Variants in CD101 observed in about 807,000 individuals in gnomAD.
The protein encoded by CD101 is CD101 molecule.
Under a neutral mutation model 98.2 loss-of-function variants are expected in CD101, and 76 were observed. The ratio of observed to expected loss-of-function variants is 0.77; its 90% CI spans 0.64 to 0.94. CD101 has a LOEUF of 0.94. Ranked by LOEUF, CD101 falls within the 40% of genes least tolerant of loss-of-function variation. CD101 has a pLI of 0.00. For synonymous variants in CD101, 471 were observed against 472.7 expected (o/e 1.00, Z 0.05); for missense variants, 1,145 against 1,218.8 (o/e 0.94, Z 0.90).
Position 117,008,163 on chromosome 1 carries a change from G to A in CD101, c.44-1687G>A, listed in dbSNP as rs1459071670. On this transcript the variant is annotated intron_variant, in intron 1 of 9. Coordinates refer to ENST00000682167, the MANE Select transcript of CD101 (RefSeq NM_001256106.3). ...AATTTGGACTTATGAATAAATTAGT[G>A]TATTCTAAATTATTATAGAGGCTGA... Among the ~76,000 whole-genome samples the A allele has an allele frequency of 3.3e-5, 5 of 152,244 alleles. No homozygotes were observed. In the East Asian group the frequency reaches 9.6e-4, roughly 29 times the overall value.
In CD101 at chr1:117,006,001, A is replaced by T. The variant is rs1315477862; in HGVS notation, c.44-3849A>T. Among the ~76,000 whole-genome samples the T allele has an allele frequency of 6.6e-6, 1 of 152,148 alleles. No individual in the cohort carries two copies. The highest frequency in any genetic ancestry group is 1.5e-5 in the Non-Finnish European group (1 of 68,022). On this transcript the variant is annotated intron_variant, in intron 1 of 9. Transcript: ENST00000682167. The surrounding 1 kb of genome is among the most constrained non-coding windows in gnomAD (Gnocchi z 4.4). Reference sequence around the variant, plus strand: ...AAATATTTCAAAATGTTTGCTGGATATCCTTCCTGTCTATTCCATGGTCTT... The same window carrying T: ...AAATATTTCAAAATGTTTGCTGGATTTCCTTCCTGTCTATTCCATGGTCTT...
rs1557766728 is a variant in CD101, at chr1:117,011,620, C to T, written c.495C>T (p.Ala165=). ...TLGKEEGEPL[A]LTCEASKATA... Reference sequence around the variant, plus strand: ...GTAAGGAGGAAGGTGAGCCATTAGCCCTCACCTGTGAGGCATCCAAAGCCA... The same window carrying T: ...GTAAGGAGGAAGGTGAGCCATTAGCTCTCACCTGTGAGGCATCCAAAGCCA... The change falls in exon 3 of 10, where the codon GCC becomes GCT. Residue 165 remains alanine, a synonymous_variant. Coordinates refer to ENST00000682167, the MANE Select transcript of CD101 (RefSeq NM_001256106.3). The T allele has an allele frequency of 6.2e-7, 1 of 1,613,944 alleles. No individual in the cohort carries two copies. Among genetic ancestry groups the T allele is most frequent in the Non-Finnish European group, 8.5e-7 (1 of 1,179,848 alleles).
At position 117,001,870 on chromosome 1, in the gene CD101, A is replaced by G; in HGVS notation, c.43+10A>G. 1.9e-6 allele frequency: 3 copies of G among 1,613,706 alleles called. No individual in the cohort carries two copies. Among genetic ancestry groups the G allele is most frequent in the Non-Finnish European group, 2.5e-6 (3 of 1,179,606 alleles). On this transcript the variant is annotated intron_variant, in intron 1 of 9. Coordinates refer to ENST00000682167, the MANE Select transcript of CD101 (RefSeq NM_001256106.3). The stretch of plus-strand genomic sequence containing the variant: ...TTCTTTCTCCTTCTGAGTAAGTTTC[A>G]TAATCCTTTATGTTTCTCTTGTCAC...
In CD101 at chr1:117,019,754, T is replaced by C. The variant is rs1327923319; in HGVS notation, c.2017+1194T>C. Among the ~76,000 whole-genome samples the C allele has an allele frequency of 6.6e-6, 1 of 152,172 alleles. No individual in the cohort carries two copies. On this transcript the variant is annotated intron_variant, in intron 6 of 9. Transcript: ENST00000682167. This position sits in a 1 kb window ranked among gnomAD's most constrained non-coding sequence, Gnocchi z 4.3. ...TGTCTCCAAGACATGCCTGCACTCA[T>C]TATGTCAAAACATAAACCCACCATT... is the stretch of plus-strand genomic sequence containing the variant.
chr1:117,016,430 C>T, intron 4 of CD101, among the ~76,000 whole-genome samples: 1 of 151,986 alleles, frequency 6.6e-6, no homozygotes, highest in Non-Finnish European at 1.5e-5. Flanking sequence ...TTTAAATAAA[C>T]ACAGCTTTAT....
chr1:117,025,900 T>C lies in CD101; in HGVS notation c.2820T>C (p.Pro940=), dbSNP rs767222001. 2 of 1,604,168 alleles carry C rather than the reference T, an allele frequency of 1.2e-6. No homozygotes were observed. The highest frequency in any genetic ancestry group is 8.5e-7 in the Non-Finnish European group (1 of 1,172,646). The change falls in exon 8 of 10, where the codon CCT becomes CCC. Residue 940 remains proline, a synonymous_variant. Coordinates refer to ENST00000682167, the MANE Select transcript of CD101 (RefSeq NM_001256106.3). The part of the protein sequence containing the change: ...ESQRMVLTVL[P]SEPTLPSRIC... The stretch of plus-strand genomic sequence containing the variant: ...AGCGGATGGTGCTCACGGTGCTGCC[T>C]TCAGGTAACCAGGGGTTTATCTACC...
rs955080113 is a variant in CD101, at chr1:117,005,257, C to T, written c.43+3397C>T. Among the ~76,000 whole-genome samples, 1 of 152,100 alleles carries T rather than the reference C, an allele frequency of 6.6e-6. No homozygotes were observed. The highest frequency in any genetic ancestry group is 2.4e-5 in the African/African-American group (1 of 41,412). ...TGCTGGCTTCACCCATTCTCCATCCCACCCCTTCCTACCGCTCCTCACCTA... is the reference window on the plus strand; with the variant it reads ...TGCTGGCTTCACCCATTCTCCATCCTACCCCTTCCTACCGCTCCTCACCTA... On this transcript the variant is annotated intron_variant, in intron 1 of 9. Coordinates refer to ENST00000682167, the MANE Select transcript of CD101 (RefSeq NM_001256106.3). This position sits in a 1 kb window ranked among gnomAD's most constrained non-coding sequence, Gnocchi z 4.4.
Position 117,021,612 on chromosome 1 carries a change from A to G in CD101, c.2057A>G (p.Glu686Gly), listed in dbSNP as rs1181253840. 2 of 1,598,830 alleles carry G rather than the reference A, an allele frequency of 1.3e-6. No individual in the cohort carries two copies. The highest frequency in any genetic ancestry group is 2.2e-5 in the East Asian group (1 of 44,804). Reference sequence around the variant, plus strand: ...GTGAATTCAAGGAGTCAAGTCCAAGAGCTCTCCATCAACTCCAACACTGAT... The same window carrying G: ...GTGAATTCAAGGAGTCAAGTCCAAGGGCTCTCCATCAACTCCAACACTGAT... ...LKVNSRSQVQ[E>G]LSINSNTDIE... is the part of the protein sequence containing the mutation. The change falls in exon 7 of 10, where the codon GAG becomes GGG. Residue 686 changes from glutamate to glycine, a missense_variant. By Grantham distance (98) the Glu-to-Gly change is moderately conservative. Coordinates refer to ENST00000682167, the MANE Select transcript of CD101 (RefSeq NM_001256106.3). The surrounding 1 kb of genome is among the most constrained non-coding windows in gnomAD (Gnocchi z 4.7).
At chr1:117,035,099 G>C (rs906400017) in intron 9 of CD101, among the ~76,000 whole-genome samples, 1 of 152,016 alleles carries the variant, frequency 6.6e-6, no homozygotes, top group Non-Finnish European at 1.5e-5. Flanking sequence ...GTGGGGGTGG[G>C]GTGTAATGGC....
In CD101 at chr1:117,015,010, G is replaced by A. The variant is rs6661032; in HGVS notation, c.1228+1218G>A. 9.8e-3 allele frequency among the ~76,000 whole-genome samples: 1,485 copies of A among 152,238 alleles called. 25 individuals carry two copies. The highest frequency in any genetic ancestry group is 0.034 in the African/African-American group (1,409 of 41,532). On this transcript the variant is annotated intron_variant, in intron 4 of 9. Transcript: ENST00000682167. The stretch of plus-strand genomic sequence containing the variant: ...CATATCTGCAGGCTTTTGTAAACCT[G>A]GTATGTGGGAATTTCACCTGAAGGG...
Position 117,018,795 on chromosome 1 carries a change from ACCCATTC to A in CD101, c.2017+242_2017+248del, listed in dbSNP as rs971254252. ...CCATGCTGGCTAATTGCTGCTCTCT[ACCCATTC>A]CCCATTTTCCCCTAAGTTCCCACCA... On this transcript the variant is annotated intron_variant, in intron 6 of 9. Transcript: ENST00000682167. This position sits in a 1 kb window ranked among gnomAD's most constrained non-coding sequence, Gnocchi z 4.3. Among the ~76,000 whole-genome samples, 51 of 152,094 alleles carry A rather than the reference ACCCATTC, an allele frequency of 3.4e-4. No individual in the cohort carries two copies. The highest frequency in any genetic ancestry group is 1.2e-3 in the African/African-American group (51 of 41,456).
intron 8 of CD101, among the ~76,000 whole-genome samples, chr1:117,029,252 A>AGAAG (rs1654270596): frequency 7.1e-6 from 1 of 141,420 alleles, no homozygotes; most frequent in African/African-American, 2.8e-5. Flanking sequence ...AAAGAAAGAA[A>AGAAG]GAAAGAAAGA....
rs145887018 is a variant in CD101, at chr1:117,017,262, C to T, written c.1401C>T (p.Gly467=). 2.5e-3 allele frequency: 4,069 copies of T among 1,614,196 alleles called. 8 individuals carry two copies. Among genetic ancestry groups the T allele is most frequent in the Admixed American group, 3.5e-3 (210 of 60,010 alleles). The change falls in exon 5 of 10, where the codon GGC becomes GGT. Residue 467 remains glycine (G), a synonymous_variant. Coordinates refer to ENST00000682167, the MANE Select transcript of CD101 (RefSeq NM_001256106.3). The stretch of plus-strand genomic sequence containing the variant: ...TTGTGGCTGGCATGGGGCAGGATGG[C>T]ATTGTGCAGCTGGGTGCCTCCTATG... ...PEFVAGMGQD[G]IVQLGASYGV...
chr1:117,004,135 G>A lies in CD101; in HGVS notation c.43+2275G>A, dbSNP rs1652400471. Among the ~76,000 whole-genome samples the A allele has an allele frequency of 1.3e-5, 2 of 152,044 alleles. No homozygotes were observed. The highest frequency in any genetic ancestry group is 2.4e-5 in the African/African-American group (1 of 41,386). On this transcript the variant is annotated intron_variant, in intron 1 of 9. Transcript: ENST00000682167. This position sits in a 1 kb window ranked among gnomAD's most constrained non-coding sequence, Gnocchi z 4.1. The stretch of plus-strand genomic sequence containing the variant: ...CAAACTAGCTGCCCTACAAATAATG[G>A]CCATTAATATGGCAGGGTTTGGGGG...
rs779583851 is a variant in CD101 at position 117,011,614 on chromosome 1, A to G, written c.489A>G (p.Pro163=). The change falls in exon 3 of 10, where the codon CCA becomes CCG. Residue 163 remains proline, a synonymous_variant. Transcript: ENST00000682167. ...SQTLGKEEGE[P]LALTCEASKA... ...CTCTCGGTAAGGAGGAAGGTGAGCC[A>G]TTAGCCCTCACCTGTGAGGCATCCA... 6.2e-6 allele frequency: 10 copies of G among 1,613,996 alleles called. No individual in the cohort carries two copies. Among genetic ancestry groups the G allele is most frequent in the African/African-American group, 1.3e-5 (1 of 75,048 alleles).
At chr1:117,002,273 T>C (rs1652272648) in intron 1 of CD101, among the ~76,000 whole-genome samples, 1 of 152,172 alleles carries the variant, frequency 6.6e-6, no homozygotes, top group Non-Finnish European at 1.5e-5. Flanking sequence ...TATGACTGGA[T>C]GGAAAGAAAG....
chr1:117,019,793 C>CT lies in CD101; in HGVS notation c.2017+1236dup, dbSNP rs1386578367. On this transcript the variant is annotated intron_variant, in intron 6 of 9. Coordinates refer to ENST00000682167, the MANE Select transcript of CD101 (RefSeq NM_001256106.3). This position sits in a 1 kb window ranked among gnomAD's most constrained non-coding sequence, Gnocchi z 4.3. ...AAACCCACCATTATCATCCAAAGCT[C>CT]TTTCTTCTGCATTGCCCCTTATGTC... 2.0e-5 allele frequency among the ~76,000 whole-genome samples: 3 copies of CT among 152,186 alleles called. No homozygotes were observed. Among genetic ancestry groups the CT allele is most frequent in the Admixed American group, 2.0e-4 (3 of 15,280 alleles).
Position 117,033,920 on chromosome 1 carries a change from G to T in CD101, c.2885G>T (p.Cys962Phe). Residue 962 changes from cysteine to phenylalanine, a missense_variant, in exon 9 of 10, where the codon TGT (cysteine) becomes TTT (phenylalanine). Coordinates refer to ENST00000682167, the MANE Select transcript of CD101 (RefSeq NM_001256106.3). The surrounding 1 kb of genome is among the most constrained non-coding windows in gnomAD (Gnocchi z 4.8). ...SAPLLYFLFI[C>F]PFVLLLLLLI... Reference sequence around the variant, plus strand: ...CCTTTACTCTATTTCCTGTTCATCTGTCCCTTCGTCCTGCTCCTCCTTCTG... The same window carrying T: ...CCTTTACTCTATTTCCTGTTCATCTTTCCCTTCGTCCTGCTCCTCCTTCTG... The T allele has an allele frequency of 6.2e-7, 1 of 1,614,084 alleles. No homozygotes were observed. The highest frequency in any genetic ancestry group is 2.2e-5 in the East Asian group (1 of 44,886).
At position 117,011,563 on chromosome 1, in the gene CD101, C is replaced by A; in HGVS notation, c.438C>A (p.Thr146=). The A allele has an allele frequency of 6.2e-7, 1 of 1,612,568 alleles. No homozygotes were observed. Among genetic ancestry groups the A allele is most frequent in the Non-Finnish European group, 8.5e-7 (1 of 1,179,334 alleles). Residue 146 remains threonine (T), a synonymous_variant, in exon 3 of 10, where the codon ACC becomes ACA. Transcript: ENST00000682167. ...CTTTGTTTCCAGTTATTCCAGATAC[C>A]CTCTCTGCCACCATGAGTTCTCAGA... ...AKTNLIVIPD[T]LSATMSSQTL... is the part of the protein sequence containing the mutation.
Sources: gnomAD v4.1 joint callset for allele counts (sites outside exome capture counted in the v4.1 genomes callset) on GRCh38, gnomAD v4.1.1 for gene constraint, Gnocchi (gnomAD v3.1) non-coding constraint, MANE v1.5 for transcripts, NCBI Gene and HGNC (gene_info 2026-07-23, HGNC 2026-07-21) for gene names.